Variants in LARGE1 observed in about 807,000 individuals in gnomAD.
LARGE1 encodes the protein LARGE xylosyl- and glucuronyltransferase 1, also known as xylosyl- and glucuronyltransferase LARGE1.
Under a neutral mutation model 87.6 loss-of-function variants are expected in LARGE1, and 43 were observed. That is an observed-to-expected ratio of 0.49 (90% CI 0.38 to 0.63). LARGE1 has a LOEUF of 0.63. Ranked by LOEUF, LARGE1 falls within the 30% of genes least tolerant of loss-of-function variation. The pLI is 0.00. For synonymous variants in LARGE1, 434 were observed against 394.6 expected, an observed-to-expected ratio of 1.10 and a Z score of -1.18; for missense variants, 802 against 1,000.2, an observed-to-expected ratio of 0.80 and a Z score of 2.67.
At chr22:33,345,491 T>C (rs1309042209) in intron 9 of LARGE1, among the ~76,000 whole-genome samples, 1 of 152,178 alleles carries the variant, frequency 6.6e-6, no homozygotes. Context: ...GCCTCCAGTC[T>C]GGCAGGAAGC....
At chr22:33,420,794 G>T (rs1416088619) in intron 7 of LARGE1, among the ~76,000 whole-genome samples, 1 of 152,212 alleles carries the variant, frequency 6.6e-6, no homozygotes, top group Middle Eastern at 3.2e-3. Flanking sequence ...AGCCCTGGGA[G>T]AATGCTCAGC....
chr22:33,827,676 G>T (rs76054156), intron 1 of LARGE1, among the ~76,000 whole-genome samples: 2 of 152,146 alleles, frequency 1.3e-5, no homozygotes, highest in East Asian at 1.9e-4. Flanking sequence ...TGTTCTTTTC[G>T]AAGAAAAAGC....
At chr22:33,333,464 C>G (rs1006347868) in intron 10 of LARGE1, among the ~76,000 whole-genome samples, 2 of 152,210 alleles carry the variant, frequency 1.3e-5, no homozygotes, top group African/African-American at 4.8e-5. Context: ...CCAAGCTTCT[C>G]AGCACAGTCA....
intron 6 of LARGE1, among the ~76,000 whole-genome samples, chr22:33,554,348 T>C (rs978827968): frequency 9.2e-5 from 14 of 152,114 alleles, no homozygotes; most frequent in African/African-American, 3.4e-4. Context: ...CACCTGGCCA[T>C]TCAGAAAAGG....
At chr22:33,130,313 C>CAAAAAAAAAAAAAAAAAAAAAAAAAAAA in the LARGE1 span, among the ~76,000 whole-genome samples, 1 of 57,036 alleles carries the variant, frequency 1.8e-5, no homozygotes, top group Non-Finnish European at 3.0e-5. Flanking sequence ...GATTCCGTCT[C>CAAAAAAAAAAAAAAAAAAAAAAAAAAAA]AAAAAAAAAA....
chr22:33,626,180 C>T, intron 4 of LARGE1, 64 bp downstream of exon 4: 4 of 1,445,720 alleles, frequency 2.8e-6, no homozygotes, highest in Non-Finnish European at 3.9e-6. Flanking sequence ...TAACCCTTCC[C>T]CAAGGAAATA....
intron 6 of LARGE1, among the ~76,000 whole-genome samples, chr22:33,495,260 A>G (rs1157517520): frequency 6.6e-6 from 1 of 152,126 alleles, no homozygotes; most frequent in African/African-American, 2.4e-5. Context: ...TTGAGTCTCC[A>G]TCGTGTTGCA....
At chr22:33,828,090 C>T (rs1238677075) in intron 1 of LARGE1, among the ~76,000 whole-genome samples, 1 of 152,134 alleles carries the variant, frequency 6.6e-6, no homozygotes, top group Admixed American at 6.5e-5. Context: ...GGTGTATTCA[C>T]CAGAAGAGAC....
At chr22:33,095,198 T>C in the LARGE1 span, among the ~76,000 whole-genome samples, 3 of 152,228 alleles carry the variant, frequency 2.0e-5, no homozygotes, top group East Asian at 1.9e-4. Flanking sequence ...ATTTATTCTC[T>C]CACAGTTCTG....
chr22:33,811,516 T>C (rs745502287), intron 1 of LARGE1, among the ~76,000 whole-genome samples: 1 of 152,154 alleles, frequency 6.6e-6, no homozygotes, highest in Non-Finnish European at 1.5e-5. Flanking sequence ...ACTAGGAGTC[T>C]GACAGGGAGA....
At chr22:33,681,963 G>C (rs1826174037) in intron 2 of LARGE1, among the ~76,000 whole-genome samples, 1 of 152,130 alleles carries the variant, frequency 6.6e-6, no homozygotes, top group Admixed American at 6.5e-5. Context: ...GAAAAGGCTA[G>C]ATGCCTAAAT....
At chr22:33,774,369 T>C (rs2085166817) in intron 1 of LARGE1, among the ~76,000 whole-genome samples, 1 of 152,192 alleles carries the variant, frequency 6.6e-6, no homozygotes, top group Non-Finnish European at 1.5e-5. Context: ...CTTTCTTTCT[T>C]TTTTTGAGAC....
At chr22:33,917,187 C>A (rs2065812225) in intron 1 of LARGE1, among the ~76,000 whole-genome samples, 1 of 152,228 alleles carries the variant, frequency 6.6e-6, no homozygotes, top group Non-Finnish European at 1.5e-5. Flanking sequence ...TTGGTGATAT[C>A]TGCCTGTTTT....
At chr22:33,569,590 T>C (rs371666054) in intron 5 of LARGE1, among the ~76,000 whole-genome samples, 6 of 152,188 alleles carry the variant, frequency 3.9e-5, no homozygotes, top group Non-Finnish European at 5.9e-5. Flanking sequence ...AGCAGGTACA[T>C]TTATTACAAA....
the LARGE1 span, among the ~76,000 whole-genome samples, chr22:33,138,249 A>G: frequency 2.0e-5 from 3 of 152,152 alleles, no homozygotes; most frequent in Middle Eastern, 3.4e-3. Flanking sequence ...TGACTGCCCC[A>G]CTGGATTTCG....
intron 11 of LARGE1, among the ~76,000 whole-genome samples, chr22:33,265,576 G>A (rs1217494830): frequency 6.6e-6 from 1 of 152,030 alleles, no homozygotes; most frequent in Non-Finnish European, 1.5e-5. Context: ...TCACATCCTG[G>A]GCACCACTTC....
At chr22:33,417,157 G>A (rs899915421) in intron 7 of LARGE1, among the ~76,000 whole-genome samples, 6 of 151,902 alleles carry the variant, frequency 3.9e-5, no homozygotes, top group Non-Finnish European at 7.4e-5. Context: ...CGCCTGCCTC[G>A]GCCTCCCAAA....
chr22:33,593,701 C>T (rs142927649), intron 5 of LARGE1, among the ~76,000 whole-genome samples: 53 of 152,294 alleles, frequency 3.5e-4, no homozygotes, highest in African/African-American at 1.1e-3. Context: ...TTAATATTTA[C>T]AATCTGTAAA....
intron 2 of LARGE1, among the ~76,000 whole-genome samples, chr22:33,696,369 T>C (rs1372873856): frequency 6.6e-6 from 1 of 151,572 alleles, no homozygotes; most frequent in Non-Finnish European, 1.5e-5. Context: ...TTCAAGGGAT[T>C]CTCCTGCCTC....
Sources: allele counts gnomAD v4.1 joint callset (sites outside exome capture counted in the v4.1 genomes callset), GRCh38; gene constraint gnomAD v4.1.1; transcripts MANE v1.5; gene names NCBI Gene and HGNC (gene_info 2026-07-23, HGNC 2026-07-21).